MEIS1: variants seen among roughly 807,000 people sequenced by gnomAD.
MEIS1 encodes the protein Meis homeobox 1.
Under a neutral mutation model 50.8 loss-of-function variants are expected in MEIS1, and 5 were observed. That is an observed-to-expected ratio of 0.10 (90% CI 0.05 to 0.21). MEIS1 has a LOEUF of 0.21. MEIS1 is among the 10% of genes least tolerant of loss of function. The pLI, the probability that MEIS1 is intolerant of heterozygous loss-of-function variation, is 1.00. For synonymous variants in MEIS1, 176 were observed against 179.3 expected, an observed-to-expected ratio of 0.98 and a Z score of 0.15; for missense variants, 318 against 517.3, an observed-to-expected ratio of 0.61 and a Z score of 3.74.
At position 66,439,882 on chromosome 2, in the gene MEIS1, A is replaced by T; in HGVS notation, c.279A>T (p.Lys93Asn). The T allele has an allele frequency of 6.2e-7, 1 of 1,613,504 alleles. No homozygotes were observed. The highest frequency in any genetic ancestry group is 8.5e-7 in the Non-Finnish European group (1 of 1,179,772). Residue 93 changes from lysine to asparagine, a missense_variant, in exon 3 of 13, where the codon AAA becomes AAT. Coordinates refer to ENST00000272369, the MANE Select transcript of MEIS1 (RefSeq NM_002398.3). ...CTCTCTTAGCACTGATTTTTGAGAA[A>T]TGTGAATTAGCTACTTGTACCCCCC... ...LFPLLALIFE[K>N]CELATCTPRE...
At chr2:66,459,698 GAGAT>G (rs1391979533) in intron 6 of MEIS1, among the ~76,000 whole-genome samples, 2 of 152,154 alleles carry the variant, frequency 1.3e-5, no homozygotes, top group African/African-American at 2.4e-5. Flanking sequence ...TGGAGAGAGA[GAGAT>G]AGAGAGAGAG....
At chr2:66,449,293 TAC>T (rs1334586684) in intron 6 of MEIS1, among the ~76,000 whole-genome samples, 1 of 152,072 alleles carries the variant, frequency 6.6e-6, no homozygotes, top group African/African-American at 2.4e-5. Flanking sequence ...ACATATAAAA[TAC>T]AGTCTCCCAA....
At chr2:66,559,123 C>CAGAG (rs58790798) in intron 9 of MEIS1, among the ~76,000 whole-genome samples, 246 of 147,930 alleles carry the variant, frequency 1.7e-3, no homozygotes, top group African/African-American at 2.5e-3. Context: ...GCCTGGGTGA[C>CAGAG]AGAGAGAGAG....
At chr2:66,455,664 T>C (rs962418748) in intron 6 of MEIS1, among the ~76,000 whole-genome samples, 1 of 152,182 alleles carries the variant, frequency 6.6e-6, no homozygotes, top group Non-Finnish European at 1.5e-5. Flanking sequence ...CAGTCCTGGC[T>C]TCCTAAGGTC....
At chr2:66,471,928 CATGCATTGT>C (rs1672770806) in intron 7 of MEIS1, among the ~76,000 whole-genome samples, 3 of 152,028 alleles carry the variant, frequency 2.0e-5, no homozygotes, top group Non-Finnish European at 2.9e-5. Context: ...ATATTAATAC[CATGCATTGT>C]ATTGTTTTAT....
chr2:66,547,905 T>C (rs969366577), intron 8 of MEIS1, 38 bp from the exon 9 acceptor site: 3 of 1,605,774 alleles, frequency 1.9e-6, no homozygotes, highest in East Asian at 4.5e-5. Context: ...TGGCTAAATA[T>C]TGCCTGATGC....
intron 8 of MEIS1, among the ~76,000 whole-genome samples, chr2:66,515,528 G>T (rs1326528626): frequency 6.6e-6 from 1 of 152,112 alleles, no homozygotes; most frequent in Non-Finnish European, 1.5e-5. Context: ...TCCAAAGAGA[G>T]AACTAAAGCC....
At chr2:66,555,709 G>C (rs995221806) in intron 9 of MEIS1, among the ~76,000 whole-genome samples, 1 of 152,058 alleles carries the variant, frequency 6.6e-6, no homozygotes, top group Non-Finnish European at 1.5e-5. Context: ...CGTTAAGCAC[G>C]GAAGCGCAGT....
chr2:66,475,322 CATATTTATATATTGTAT>C (rs1164812912), intron 7 of MEIS1, among the ~76,000 whole-genome samples: 2 of 142,322 alleles, frequency 1.4e-5, no homozygotes, highest in Middle Eastern at 3.7e-3. Flanking sequence ...TAATAAATAA[CATATTTATATATTGTAT>C]ATATTTATAT....
At chr2:66,486,052 T>C (rs1356595758) in intron 7 of MEIS1, among the ~76,000 whole-genome samples, 1 of 152,174 alleles carries the variant, frequency 6.6e-6, no homozygotes, top group African/African-American at 2.4e-5. Flanking sequence ...TAGGTTGTCT[T>C]TTCACTCTGA....
At chr2:66,479,656 T>C (rs551620489) in intron 7 of MEIS1, among the ~76,000 whole-genome samples, 45 of 152,210 alleles carry the variant, frequency 3.0e-4, no homozygotes, top group Non-Finnish European at 4.9e-4. Context: ...AAAAGTGTCA[T>C]TGGTTAATAT....
chr2:66,479,796 T>A (rs1672975682), intron 7 of MEIS1, among the ~76,000 whole-genome samples: 1 of 152,082 alleles, frequency 6.6e-6, no homozygotes, highest in Non-Finnish European at 1.5e-5. Context: ...CAGATTTGAA[T>A]CAAGAAGCCC....
chr2:66,449,446 T>G (rs1672230254), intron 6 of MEIS1, among the ~76,000 whole-genome samples: 1 of 152,134 alleles, frequency 6.6e-6, no homozygotes, highest in Non-Finnish European at 1.5e-5. Context: ...AGTGTGTCCA[T>G]GTAGTGTAAA....
intron 2 of MEIS1, chr2:66,439,493 C>T: frequency 1.4e-6 from 2 of 1,440,720 alleles, no homozygotes; most frequent in Non-Finnish European, 1.8e-6. Flanking sequence ...CCTGGATGTG[C>T]AGTGGAGGGG....
intron 7 of MEIS1, among the ~76,000 whole-genome samples, chr2:66,497,014 G>GTCTCTTTTTTCTTTGCCT (rs1359106069): frequency 1.3e-5 from 2 of 152,120 alleles, no homozygotes; most frequent in Non-Finnish European, 1.5e-5. Context: ...ATGCTTCGGT[G>GTCTCTTTTTTCTTTGCCT]TCTCTTTTTT....
chr2:66,528,717 G>A (rs1020416935), intron 8 of MEIS1, among the ~76,000 whole-genome samples: 2 of 152,028 alleles, frequency 1.3e-5, no homozygotes, highest in Non-Finnish European at 2.9e-5. Context: ...TCTAACATTG[G>A]TCCCTTATAA....
At chr2:66,560,398 C>T (rs1675182832) in intron 9 of MEIS1, among the ~76,000 whole-genome samples, 1 of 151,220 alleles carries the variant, frequency 6.6e-6, no homozygotes, top group African/African-American at 2.4e-5. Flanking sequence ...TCAGCCTGGG[C>T]AACATAGTGA....
chr2:66,441,476 A>T lies in MEIS1; in HGVS notation c.483+12A>T, dbSNP rs1558519687. On this transcript the variant is annotated intron_variant, in intron 5 of 12. Transcript: ENST00000272369. ...TGGAATTAGAGAAGGTAATTTCTCT[A>T]GCCTCTTTTCCTTTTACTTACCCCT... 4.5e-6 allele frequency: 7 copies of T among 1,540,128 alleles called. No homozygotes were observed. In the Admixed American group the frequency reaches 6.2e-5, roughly 14 times the overall value.
At chr2:66,460,535 C>A (rs1369826577) in intron 6 of MEIS1, among the ~76,000 whole-genome samples, 1 of 152,068 alleles carries the variant, frequency 6.6e-6, no homozygotes, top group Non-Finnish European at 1.5e-5. Context: ...CTAGAAAAAA[C>A]ATGAGCAAAA....
Sources: gnomAD v4.1 joint callset for allele counts (sites outside exome capture counted in the v4.1 genomes callset) on GRCh38, gnomAD v4.1.1 for gene constraint, MANE v1.5 for transcripts, NCBI Gene and HGNC (gene_info 2026-07-23, HGNC 2026-07-21) for gene names.